MCUB: variants seen among roughly 807,000 people sequenced by gnomAD.
MCUB encodes mitochondrial calcium uniporter dominant negative subunit beta.
In MCUB, 46 loss-of-function variants were observed where a neutral mutation model predicts 41.4. The ratio of observed to expected loss-of-function variants is 1.11; its 90% confidence interval spans 0.88 to 1.42. MCUB has a LOEUF of 1.42. MCUB is among the 40% of genes most tolerant of loss of function. MCUB has a pLI of 0.00. For synonymous variants in MCUB, 148 were observed against 148.2 expected (o/e 1.00, Z 0.01); for missense variants, 403 against 404.9 (o/e 1.00, Z 0.04).
intron 1 of MCUB, among the ~76,000 whole-genome samples, chr4:109,637,306 G>T (rs1728617569): frequency 6.6e-6 from 1 of 152,198 alleles, no homozygotes. Context: ...TGGTTTTGTG[G>T]CTGAAGTTTG....
chr4:109,634,834 G>A (rs959563552), intron 1 of MCUB, among the ~76,000 whole-genome samples: 3 of 152,062 alleles, frequency 2.0e-5, no homozygotes, highest in African/African-American at 7.2e-5. Context: ...TTATTATACT[G>A]GGATACATGT....
chr4:109,617,827 A>G (rs1728164829), intron 1 of MCUB, among the ~76,000 whole-genome samples: 2 of 152,138 alleles, frequency 1.3e-5, no homozygotes, highest in Non-Finnish European at 2.9e-5. Flanking sequence ...CAAAAATTTT[A>G]TTTTCTCTTT....
chr4:109,598,615 G>A (rs197220), intron 1 of MCUB, among the ~76,000 whole-genome samples: 33,897 of 151,544 alleles, frequency 0.22, 4,600 homozygotes, highest in South Asian at 0.34. Flanking sequence ...ACGGTGGGGA[G>A]ACGGGAGAGG....
At chr4:109,616,771 A>G (rs992845654) in intron 1 of MCUB, among the ~76,000 whole-genome samples, 2 of 152,196 alleles carry the variant, frequency 1.3e-5, no homozygotes, top group African/African-American at 2.4e-5. Flanking sequence ...TATGTTTTTA[A>G]AAACATGTAC....
chr4:109,565,076 G>T (rs1371044288), intron 1 of MCUB, among the ~76,000 whole-genome samples: 3 of 152,328 alleles, frequency 2.0e-5, no homozygotes, highest in East Asian at 3.9e-4. Context: ...AAGTATTAAA[G>T]AGTTGATTTT....
Position 109,638,411 on chromosome 4 carries a change from T to TAAA in MCUB, c.100-20584_100-20582dup, listed in dbSNP as rs60114567. On this transcript the variant is annotated intron_variant, in intron 1 of 7. Coordinates refer to ENST00000394650, the MANE Select transcript of MCUB (RefSeq NM_017918.5). The stretch of plus-strand genomic sequence containing the variant: ...ATTAAGTGTGCAATAGCATTATATC[T>TAAA]AAAAAAAAAAAAAAAAAACCATACA... Among the ~76,000 whole-genome samples, 369 of 138,348 alleles carry TAAA rather than the reference T, an allele frequency of 2.7e-3. 4 individuals carry two copies. The highest frequency in any genetic ancestry group is 9.4e-3 in the African/African-American group (356 of 37,876). 90.8% of individuals were successfully genotyped at this position (138,348 alleles called of 152,430 possible).
intron 5 of MCUB, among the ~76,000 whole-genome samples, 159 bp from the exon 6 acceptor site, chr4:109,684,284 G>C (rs558553594): frequency 6.6e-6 from 1 of 151,984 alleles, no homozygotes; most frequent in Non-Finnish European, 1.5e-5. Context: ...GGATGGTCTC[G>C]ATCTCCTGAC....
chr4:109,604,973 G>A (rs1198652307), intron 1 of MCUB, among the ~76,000 whole-genome samples: 1 of 152,150 alleles, frequency 6.6e-6, no homozygotes, highest in Non-Finnish European at 1.5e-5. Context: ...ATATTGACCT[G>A]TAGATTTCTT....
At chr4:109,583,776 G>T (rs1394840735) in intron 1 of MCUB, among the ~76,000 whole-genome samples, 1 of 152,120 alleles carries the variant, frequency 6.6e-6, no homozygotes, top group African/African-American at 2.4e-5. Flanking sequence ...GCATGAAAGG[G>T]TGTTGGATTT....
At chr4:109,581,891 A>C (rs200749787) in intron 1 of MCUB, among the ~76,000 whole-genome samples, 1 of 152,124 alleles carries the variant, frequency 6.6e-6, no homozygotes, top group Non-Finnish European at 1.5e-5. Context: ...AGGTGCTGGA[A>C]AGGATGTGGA....
At chr4:109,674,483 T>A (rs1037442803) in intron 4 of MCUB, among the ~76,000 whole-genome samples, 1 of 152,266 alleles carries the variant, frequency 6.6e-6, no homozygotes, top group Admixed American at 6.5e-5. Context: ...ATATTTTGGA[T>A]GTTGTATAAG....
At chr4:109,587,186 A>G (rs1561217954) in intron 1 of MCUB, among the ~76,000 whole-genome samples, 1 of 152,206 alleles carries the variant, frequency 6.6e-6, no homozygotes, top group Non-Finnish European at 1.5e-5. Flanking sequence ...TCCCCCTGCC[A>G]GGCTGCTGCC....
rs1348395009 is a variant in MCUB, at chr4:109,682,673, G to A, written c.543G>A (p.Gln181=). 2 of 1,613,414 alleles carry A rather than the reference G, an allele frequency of 1.2e-6. No homozygotes were observed. Among genetic ancestry groups the A allele is most frequent in the Admixed American group, 1.7e-5 (1 of 59,980 alleles). The part of the protein sequence containing the change: ...LFTILHLEES[Q]KKREHHLLEK... ...CAATCTTGCATTTAGAAGAGTCTCA[G>A]AAAAAGAGAGAGCACCATTTACTGG... Residue 181 remains glutamine, a synonymous_variant, in exon 5 of 8, where the codon CAG becomes CAA. Transcript: ENST00000394650.
At chr4:109,618,971 TC>T (rs1728187655) in intron 1 of MCUB, among the ~76,000 whole-genome samples, 1 of 150,740 alleles carries the variant, frequency 6.6e-6, no homozygotes, top group Non-Finnish European at 1.5e-5. Context: ...TCTCTCTCTC[TC>T]TCTCTCTCTC....
intron 1 of MCUB, among the ~76,000 whole-genome samples, chr4:109,642,644 C>T (rs796778211): frequency 3.0e-4 from 45 of 152,020 alleles, no homozygotes; most frequent in African/African-American, 1.0e-3. Flanking sequence ...TTGAATCAGG[C>T]TGCTGCATCT....
chr4:109,561,737 A>G (rs190311525), intron 1 of MCUB, among the ~76,000 whole-genome samples: 1 of 152,242 alleles, frequency 6.6e-6, no homozygotes, highest in African/African-American at 2.4e-5. Context: ...CATTTTAAAC[A>G]CAGATTATTG....
chr4:109,583,367 G>C (rs978341801), intron 1 of MCUB, among the ~76,000 whole-genome samples: 11 of 152,070 alleles, frequency 7.2e-5, no homozygotes, highest in Non-Finnish European at 1.3e-4. Flanking sequence ...CTGTGTGTCT[G>C]TTCTTGGTGT....
At chr4:109,672,342 A>G (rs1216197763) in intron 4 of MCUB, among the ~76,000 whole-genome samples, 1 of 152,014 alleles carries the variant, frequency 6.6e-6, no homozygotes, top group Non-Finnish European at 1.5e-5. Flanking sequence ...TCTGATCTTC[A>G]CTGTGAGAAC....
At chr4:109,580,083 C>T (rs185066928) in intron 1 of MCUB, among the ~76,000 whole-genome samples, 4 of 152,096 alleles carry the variant, frequency 2.6e-5, no homozygotes, top group African/African-American at 7.2e-5. Flanking sequence ...CCTGTTTCCA[C>T]GTGTTCTCAT....
Sources: gnomAD v4.1 joint callset for allele counts (sites outside exome capture counted in the v4.1 genomes callset) on GRCh38, gnomAD v4.1.1 for gene constraint, MANE v1.5 for transcripts, NCBI Gene and HGNC (gene_info 2026-07-23, HGNC 2026-07-21) for gene names.